The following ADGRV1 variants were observed in gnomAD, a reference collection of about 807,000 sequenced individuals.
ADGRV1 encodes the protein adhesion G protein-coupled receptor V1.
ADGRV1 carries 359 observed loss-of-function variants against 596.2 expected under a neutral mutation model. The ratio of observed to expected loss-of-function variants is 0.60; its 90% confidence interval spans 0.55 to 0.66. The LOEUF (loss-of-function observed/expected upper bound fraction) is 0.66. Among genes scored for constraint, ADGRV1 ranks in the 30% least tolerant of loss-of-function variants. The probability of loss-of-function intolerance (pLI) is 0.00; values close to 1 mark genes in which losing one functional copy is unlikely to be tolerated. For missense variants in ADGRV1, 7,274 were observed against 7,575.6 expected, an observed-to-expected ratio of 0.96 and a Z score of 1.48; for synonymous variants, 2,681 against 2,679.2, an observed-to-expected ratio of 1.00 and a Z score of -0.02.
At chr5:90,997,847 A>AT (rs1237463001) in intron 85 of ADGRV1, among the ~76,000 whole-genome samples, 1 of 152,110 alleles carries the variant, frequency 6.6e-6, no homozygotes, top group Non-Finnish European at 1.5e-5. Context: ...GTGTCCTAGG[A>AT]TTGTGATGTG....
intron 60 of ADGRV1, among the ~76,000 whole-genome samples, 198 bp downstream of exon 60, chr5:90,774,501 G>A (rs1485137320): frequency 6.6e-6 from 1 of 152,070 alleles, no homozygotes; most frequent in Non-Finnish European, 1.5e-5. Flanking sequence ...AAGGTCATAG[G>A]TCAAAGATTT....
intron 15 of ADGRV1, among the ~76,000 whole-genome samples, chr5:90,645,644 A>G (rs1767642772): frequency 1.3e-5 from 2 of 152,228 alleles, no homozygotes; most frequent in Admixed American, 1.3e-4. Context: ...TTAAAAATCA[A>G]CATGTCTCCC....
chr5:91,162,267 G>A (rs1209960554), intron 89 of ADGRV1, among the ~76,000 whole-genome samples: 2 of 152,124 alleles, frequency 1.3e-5, no homozygotes, highest in African/African-American at 4.8e-5. Flanking sequence ...AAGATAGGAA[G>A]GACATAATCC....
intron 85 of ADGRV1, among the ~76,000 whole-genome samples, chr5:91,015,505 G>A (rs953288373): frequency 4.6e-5 from 7 of 151,966 alleles, no homozygotes; most frequent in African/African-American, 1.7e-4. Flanking sequence ...TTATTGTTGT[G>A]CGGGAGTCTA....
chr5:90,662,435 C>T (rs1190712404), intron 21 of ADGRV1, among the ~76,000 whole-genome samples: 1 of 151,960 alleles, frequency 6.6e-6, no homozygotes, highest in East Asian at 1.9e-4. Context: ...CCTCGTGATC[C>T]ACCTACCTCA....
intron 21 of ADGRV1, among the ~76,000 whole-genome samples, chr5:90,665,182 G>A (rs1243995092): frequency 4.0e-5 from 6 of 151,668 alleles, no homozygotes; most frequent in African/African-American, 1.5e-4. Flanking sequence ...AGTTTCAGAA[G>A]GAATGGTACC....
At position 90,810,732 on chromosome 5, in the gene ADGRV1, A is replaced by G; in HGVS notation, c.15472A>G (p.Thr5158Ala). ...TCTCATTCCTGTAGAAACTGAATCC[A>G]CCACATACCTCAGCACAAGCAAGAC... ...TTLIPVETES[T>A]TYLSTSKTTT... The change falls in exon 74 of 90, where the codon ACC becomes GCC. Residue 5158 changes from threonine to alanine, a missense_variant. By Grantham distance (58) the Thr-to-Ala change is moderately conservative. This residue lies in a region of ADGRV1 where 1,874 missense variants were observed against 1,970.2 expected (regional missense o/e 0.95). Coordinates refer to ENST00000405460, the MANE Select transcript of ADGRV1 (RefSeq NM_032119.4). 1 of 1,613,896 alleles carries G rather than the reference A, an allele frequency of 6.2e-7. No individual in the cohort carries two copies.
At chr5:90,692,555 C>A in intron 31 of ADGRV1, 50 bp from the exon 32 acceptor site, 1 of 1,384,664 alleles carries the variant, frequency 7.2e-7, no homozygotes, top group Non-Finnish European at 9.8e-7. Context: ...CATTTTTATT[C>A]TAATTTCAGA....
At chr5:90,751,370 A>G (rs1441415584) in intron 53 of ADGRV1, among the ~76,000 whole-genome samples, 1 of 152,166 alleles carries the variant, frequency 6.6e-6, no homozygotes, top group Non-Finnish European at 1.5e-5. Context: ...AGGGTTGGGT[A>G]TAACCTTGAG....
At chr5:90,932,791 G>A (rs1394329786) in intron 83 of ADGRV1, among the ~76,000 whole-genome samples, 1 of 140,550 alleles carries the variant, frequency 7.1e-6, no homozygotes, top group Non-Finnish European at 1.6e-5. Flanking sequence ...GGCTTGTCGT[G>A]AGTTGTGTGT....
intron 83 of ADGRV1, among the ~76,000 whole-genome samples, chr5:90,913,695 T>G (rs1773101548): frequency 6.6e-6 from 1 of 152,208 alleles, no homozygotes; most frequent in South Asian, 2.1e-4. Flanking sequence ...TCTTCCCATT[T>G]TAGAGTGGTT....
intron 1 of ADGRV1, among the ~76,000 whole-genome samples, chr5:90,562,493 AG>A (rs1411765689): frequency 5.3e-5 from 8 of 152,148 alleles, no homozygotes; most frequent in African/African-American, 1.9e-4. Flanking sequence ...GGTAATACAA[AG>A]GCTGTGTTTT....
intron 67 of ADGRV1, 36 bp from the exon 68 acceptor site, chr5:90,788,035 T>C: frequency 6.5e-7 from 1 of 1,530,068 alleles, no homozygotes. Flanking sequence ...AATTGATCTC[T>C]ATTAAAGAAA....
At position 90,728,894 on chromosome 5, in the gene ADGRV1, A is replaced by G; in HGVS notation, c.10387A>G (p.Asn3463Asp). The change falls in exon 49 of 90, where the codon AAT becomes GAT. Residue 3463 changes from asparagine to aspartate, a missense_variant. Around this residue, in one of 5 missense-constraint regions of ADGRV1, gnomAD observed 3,643 missense variants for 3,809.2 expected, o/e 0.96. Coordinates refer to ENST00000405460, the MANE Select transcript of ADGRV1 (RefSeq NM_032119.4). ...TTEVEALSSA[N>D]DIYLIFAENV... ...AGAAGTTGAGGCTTTGTCTTCAGCC[A>G]ATGATATTTACCTAATATTTGCCGA... 2 of 1,613,038 alleles carry G rather than the reference A, an allele frequency of 1.2e-6. No homozygotes were observed. Among genetic ancestry groups the G allele is most frequent in the East Asian group, 2.2e-5 (1 of 44,874 alleles).
At chr5:90,967,788 G>A (rs181922808) in intron 84 of ADGRV1, among the ~76,000 whole-genome samples, 1 of 152,260 alleles carries the variant, frequency 6.6e-6, no homozygotes, top group Admixed American at 6.5e-5. Flanking sequence ...TCTGATGGAA[G>A]TTAATGTAAA....
At chr5:91,084,626 T>C (rs1420510519) in intron 86 of ADGRV1, among the ~76,000 whole-genome samples, 1 of 152,202 alleles carries the variant, frequency 6.6e-6, no homozygotes, top group Non-Finnish European at 1.5e-5. Flanking sequence ...TTTACACTGC[T>C]GGTGGGAGTG....
chr5:91,101,886 G>A (rs1240156085), intron 86 of ADGRV1, among the ~76,000 whole-genome samples: 1 of 152,176 alleles, frequency 6.6e-6, no homozygotes, highest in Non-Finnish European at 1.5e-5. Context: ...ACTACTGCCT[G>A]CCATTTTCTG....
At chr5:90,759,780 A>G (rs1756270898) in intron 58 of ADGRV1, 192 bp downstream of exon 58, 1 of 556,742 alleles carries the variant, frequency 1.8e-6, no homozygotes. Flanking sequence ...CCTGGCCAAT[A>G]TGGTTGAATT....
intron 83 of ADGRV1, among the ~76,000 whole-genome samples, chr5:90,871,580 C>G (rs1199767719): frequency 6.6e-6 from 1 of 152,222 alleles, no homozygotes; most frequent in African/African-American, 2.4e-5. Flanking sequence ...TGCAACATAG[C>G]TTTCGTTACT....
Sources: gnomAD v4.1 joint callset for allele counts (sites outside exome capture counted in the v4.1 genomes callset) on GRCh38, gnomAD v4.1.1 for gene constraint, gnomAD v4.1.1 regional missense constraint, MANE v1.5 for transcripts, NCBI Gene and HGNC (gene_info 2026-07-23, HGNC 2026-07-21) for gene names.